MANBA: variants seen among roughly 807,000 people sequenced by gnomAD.
MANBA encodes beta-mannosidase.
Under a neutral mutation model 111.1 loss-of-function variants are expected in MANBA, and 83 were observed. The ratio of observed to expected loss-of-function variants is 0.75; its 90% CI spans 0.63 to 0.90. The LOEUF (loss-of-function observed/expected upper bound fraction) is 0.90. MANBA is among the 40% of genes least tolerant of loss of function. The probability of loss-of-function intolerance (pLI) is 0.00; values close to 1 mark genes in which losing one functional copy is unlikely to be tolerated. For missense variants in MANBA, 1,036 were observed against 1,069.0 expected (o/e 0.97, Z 0.43); for synonymous variants, 370 against 378.7 (o/e 0.98, Z 0.27).
intron 5 of MANBA, among the ~76,000 whole-genome samples, chr4:102,704,986 C>T (rs1251607434): frequency 1.3e-5 from 2 of 152,206 alleles, no homozygotes; most frequent in Non-Finnish European, 2.9e-5. Flanking sequence ...AGATGGCTGA[C>T]TAGCGGCATC....
chr4:102,661,678 C>A (rs1730962875), intron 11 of MANBA, among the ~76,000 whole-genome samples: 1 of 152,176 alleles, frequency 6.6e-6, no homozygotes, highest in African/African-American at 2.4e-5. Flanking sequence ...CAAGTCTCTA[C>A]CTAAAAATAT....
chr4:102,723,790 T>C (rs1315359697), intron 3 of MANBA, 72 bp downstream of exon 3: 1 of 830,402 alleles, frequency 1.2e-6, no homozygotes, highest in African/African-American at 1.7e-5. Context: ...GCATTTACTT[T>C]TCTCTACTCA....
chr4:102,704,235 A>G (rs909660160), intron 5 of MANBA, among the ~76,000 whole-genome samples: 6 of 152,168 alleles, frequency 3.9e-5, no homozygotes, highest in African/African-American at 1.4e-4. Flanking sequence ...CTGTCTTGAT[A>G]AATCAGCTCT....
At chr4:102,633,978 C>G (rs1480288235) in intron 16 of MANBA, among the ~76,000 whole-genome samples, 6 of 152,172 alleles carry the variant, frequency 3.9e-5, no homozygotes, top group Admixed American at 3.9e-4. Flanking sequence ...AAATCCCTTT[C>G]TATGAAGTAA....
intron 3 of MANBA, among the ~76,000 whole-genome samples, chr4:102,723,567 T>G (rs1722669681): frequency 6.6e-6 from 1 of 152,246 alleles, no homozygotes; most frequent in Non-Finnish European, 1.5e-5. Context: ...ATTTGTCCAA[T>G]GAAACTGTAT....
rs531552965 is a variant in MANBA at position 102,729,994 on chromosome 4, C to T, written c.178-3311G>A. On this transcript the variant is annotated intron_variant, in intron 1 of 16. Transcript: ENST00000647097. ...ACTGTGATGGTGGTGATGCCACCCA[C>T]GCTGCTGCCCTCACCATAGCCTCCG... 9.4e-4 allele frequency: 818 copies of T among 870,266 alleles called. 6 individuals are homozygous for T. Among genetic ancestry groups the T allele is most frequent in the South Asian group, 1.5e-3 (107 of 72,822 alleles). The allele number at this position is 870,266 out of a possible 1,614,324, so 53.9% of individuals were successfully genotyped here.
intron 1 of MANBA, among the ~76,000 whole-genome samples, chr4:102,742,009 T>G (rs746512548): frequency 4.6e-5 from 7 of 152,170 alleles, no homozygotes; most frequent in Non-Finnish European, 7.3e-5. Context: ...CCATTGACCT[T>G]AATCTCAGGG....
chr4:102,719,462 C>A (rs899922232), intron 4 of MANBA, among the ~76,000 whole-genome samples: 1 of 152,160 alleles, frequency 6.6e-6, no homozygotes, highest in Non-Finnish European at 1.5e-5. Context: ...TTCAAACACA[C>A]ATGTTCTACA....
Position 102,750,912 on chromosome 4 carries a change from C to G in MANBA, c.177+9806G>C, listed in dbSNP as rs1006536416. Among the ~76,000 whole-genome samples the G allele has an allele frequency of 9.9e-5, 15 of 150,912 alleles. No individual in the cohort carries two copies. The South Asian group carries it at 1.3e-3, about 13-fold the overall frequency. On this transcript the variant is annotated intron_variant, in intron 1 of 16. Coordinates refer to ENST00000647097, the MANE Select transcript of MANBA (RefSeq NM_005908.4). ...TGGGTGACAGAGTAATACCCTATCT[C>G]AAAAAACAAAAAAAATGATAACAAA... is the stretch of plus-strand genomic sequence containing the variant.
intron 1 of MANBA, chr4:102,727,812 G>A: frequency 9.4e-6 from 6 of 640,874 alleles, no homozygotes; most frequent in Non-Finnish European, 1.7e-5. Flanking sequence ...TTCTGATGGA[G>A]AAATACTTCC....
chr4:102,683,868 A>T (rs1053439050), intron 7 of MANBA, among the ~76,000 whole-genome samples: 1 of 152,098 alleles, frequency 6.6e-6, no homozygotes, highest in Non-Finnish European at 1.5e-5. Context: ...TCCCTATATT[A>T]CCTCCCTTCT....
intron 11 of MANBA, 44 bp from the exon 12 acceptor site, chr4:102,657,944 C>T (rs760853986): frequency 1.1e-5 from 15 of 1,332,598 alleles, no homozygotes; most frequent in Non-Finnish European, 1.6e-5. Flanking sequence ...TATATTCATC[C>T]TGTAAAGTAT....
At chr4:102,717,463 C>T (rs1317038168) in intron 4 of MANBA, among the ~76,000 whole-genome samples, 1 of 151,028 alleles carries the variant, frequency 6.6e-6, no homozygotes, top group Admixed American at 6.6e-5. Context: ...CTCTGTCACC[C>T]AGGCTGGAGT....
At chr4:102,632,651 C>T (rs868648178) in intron 16 of MANBA, among the ~76,000 whole-genome samples, 6 of 152,194 alleles carry the variant, frequency 3.9e-5, no homozygotes, top group African/African-American at 1.4e-4. Flanking sequence ...ATATCTGGAC[C>T]TAGCTACAGA....
chr4:102,758,302 T>A lies in MANBA; in HGVS notation c.177+2416A>T, dbSNP rs73836860. 4.3e-3 allele frequency among the ~76,000 whole-genome samples: 651 copies of A among 152,266 alleles called. 3 individuals are homozygous for A. Among genetic ancestry groups the A allele is most frequent in the African/African-American group, 0.012 (482 of 41,552 alleles). The stretch of plus-strand genomic sequence containing the variant: ...AGTACTTAGAATAGTGCCTGCCACA[T>A]TAGAGGTACAAAATAAATATGAGAT... On this transcript the variant is annotated intron_variant, in intron 1 of 16. Transcript: ENST00000647097.
intron 1 of MANBA, among the ~76,000 whole-genome samples, chr4:102,737,470 G>C (rs967978021): frequency 3.3e-5 from 5 of 151,782 alleles, no homozygotes; most frequent in African/African-American, 1.2e-4. Flanking sequence ...TAAGGCCTGT[G>C]GTGTTTTTTT....
intron 5 of MANBA, among the ~76,000 whole-genome samples, chr4:102,702,678 T>C (rs1364674863): frequency 1.3e-5 from 2 of 152,126 alleles, no homozygotes; most frequent in African/African-American, 2.4e-5. Flanking sequence ...AAAAGAAACA[T>C]AGATATATAC....
intron 10 of MANBA, chr4:102,666,259 T>C (rs554842428): frequency 6.6e-6 from 1 of 152,376 alleles, no homozygotes; most frequent in African/African-American, 2.4e-5. Context: ...GATACATAAA[T>C]GTTAGATTTT....
intron 11 of MANBA, among the ~76,000 whole-genome samples, chr4:102,663,621 G>T (rs1305418247): frequency 1.3e-5 from 2 of 151,926 alleles, no homozygotes; most frequent in Non-Finnish European, 2.9e-5. Flanking sequence ...TCTATAAATG[G>T]AATAGTGCCA....
Sources: gnomAD v4.1 joint callset for allele counts (sites outside exome capture counted in the v4.1 genomes callset) on GRCh38, gnomAD v4.1.1 for gene constraint, MANE v1.5 for transcripts, NCBI Gene and HGNC (gene_info 2026-07-23, HGNC 2026-07-21) for gene names.